Variants in CAMTA1 observed in about 807,000 individuals in gnomAD.
CAMTA1 encodes calmodulin-binding transcription activator 1.
Under a neutral mutation model 170.9 loss-of-function variants are expected in CAMTA1, and 27 were observed. The ratio of observed to expected loss-of-function variants is 0.16; its 90% confidence interval spans 0.12 to 0.22. The LOEUF is 0.22. Ranked by LOEUF, CAMTA1 falls within the 10% of genes least tolerant of loss-of-function variation. The pLI, the probability that CAMTA1 is intolerant of heterozygous loss-of-function variation, is 1.00. For synonymous variants in CAMTA1, 833 were observed against 891.5 expected (o/e 0.93, Z 1.17); for missense variants, 1,619 against 2,217.2 (o/e 0.73, Z 5.42).
intron 3 of CAMTA1, among the ~76,000 whole-genome samples, chr1:6,924,892 C>A (rs1251681293): frequency 6.6e-6 from 1 of 152,202 alleles, no homozygotes; most frequent in East Asian, 1.9e-4. Flanking sequence ...CCACATTTGC[C>A]TCTTGGTCTG....
intron 3 of CAMTA1, among the ~76,000 whole-genome samples, chr1:7,090,198 A>G (rs1375414892): frequency 5.3e-5 from 8 of 151,604 alleles, no homozygotes; most frequent in Non-Finnish European, 1.0e-4. Context: ...GGCATTTTCT[A>G]CTCTCACCTG....
chr1:6,907,361 C>T (rs778997750), intron 3 of CAMTA1, among the ~76,000 whole-genome samples: 13 of 152,092 alleles, frequency 8.5e-5, no homozygotes, highest in South Asian at 4.2e-4. Context: ...GCAGCTCTCC[C>T]GGCGCCCCCT....
At chr1:7,365,889 T>C (rs1480562281) in intron 5 of CAMTA1, among the ~76,000 whole-genome samples, 1 of 152,192 alleles carries the variant, frequency 6.6e-6, no homozygotes, top group Non-Finnish European at 1.5e-5. Context: ...CTCCTGCTCC[T>C]CTCTGGAGGC....
intron 1 of CAMTA1, among the ~76,000 whole-genome samples, chr1:6,816,394 T>C (rs993598600): frequency 6.6e-6 from 1 of 152,182 alleles, no homozygotes; most frequent in Non-Finnish European, 1.5e-5. Flanking sequence ...GTGTCCCAGC[T>C]TGCGAACAGT....
intron 5 of CAMTA1, among the ~76,000 whole-genome samples, chr1:7,404,898 A>T (rs1187602325): frequency 6.6e-6 from 1 of 152,210 alleles, no homozygotes; most frequent in African/African-American, 2.4e-5. Flanking sequence ...AGCAGAAAAT[A>T]AAAGGGTCTT....
At chr1:7,761,034 T>C (rs2096971184) in intron 22 of CAMTA1, among the ~76,000 whole-genome samples, 1 of 152,236 alleles carries the variant, frequency 6.6e-6, no homozygotes, top group Non-Finnish European at 1.5e-5. Context: ...CTGTGGGCTT[T>C]TGCTGGCTTT....
chr1:7,760,122 A>T (rs1349471533), intron 22 of CAMTA1, among the ~76,000 whole-genome samples: 8 of 152,248 alleles, frequency 5.3e-5, no homozygotes. Flanking sequence ...AGGCAGGTGC[A>T]GTTATTTTAC....
chr1:6,991,893 G>A (rs1402810175), intron 3 of CAMTA1, among the ~76,000 whole-genome samples: 7 of 151,934 alleles, frequency 4.6e-5, no homozygotes, highest in East Asian at 1.9e-4. Flanking sequence ...GTAGAGATGT[G>A]GTTTTGCCAT....
chr1:7,631,067 A>G (rs2095665830), intron 6 of CAMTA1, among the ~76,000 whole-genome samples: 3 of 151,462 alleles, frequency 2.0e-5, no homozygotes, highest in Admixed American at 2.0e-4. Flanking sequence ...GCTGTTCCCC[A>G]CTCCCCTGCA....
At chr1:7,110,418 C>G (rs1474854570) in intron 4 of CAMTA1, among the ~76,000 whole-genome samples, 1 of 152,174 alleles carries the variant, frequency 6.6e-6, no homozygotes, top group East Asian at 1.9e-4. Context: ...AACAGCTCTT[C>G]CCTTTTGTTT....
intron 3 of CAMTA1, among the ~76,000 whole-genome samples, chr1:6,851,532 C>T (rs1174533876): frequency 1.3e-5 from 2 of 152,112 alleles, no homozygotes; most frequent in Non-Finnish European, 2.9e-5. Context: ...AAAGCCATCT[C>T]ATCACAGATT....
intron 5 of CAMTA1, among the ~76,000 whole-genome samples, chr1:7,342,064 T>C (rs1448097486): frequency 6.6e-6 from 1 of 152,244 alleles, no homozygotes; most frequent in Non-Finnish European, 1.5e-5. Flanking sequence ...ATTATCACTG[T>C]ATTTTACAAA....
intron 5 of CAMTA1, among the ~76,000 whole-genome samples, chr1:7,380,251 C>G (rs535076236): frequency 1.5e-3 from 234 of 152,300 alleles, no homozygotes; most frequent in African/African-American, 5.4e-3. Context: ...TTGCCCGGCA[C>G]GTCCCTCTCC....
intron 1 of CAMTA1, among the ~76,000 whole-genome samples, chr1:6,794,891 T>TG (rs1009721770): frequency 1.7e-4 from 22 of 130,794 alleles, no homozygotes; most frequent in East Asian, 4.0e-4. Flanking sequence ...TTTTTTTTTG[T>TG]TTTTTTTGTT....
chr1:7,435,979 C>A lies in CAMTA1; in HGVS notation c.439-31851C>A, dbSNP rs1313999017. Among the ~76,000 whole-genome samples, 1 of 152,170 alleles carries A rather than the reference C, an allele frequency of 6.6e-6. No individual in the cohort carries two copies. Among genetic ancestry groups the A allele is most frequent in the Non-Finnish European group, 1.5e-5 (1 of 68,026 alleles). ...GGAGCTGGGAAGCTCCCCATGCCAC[C>A]ACCCTGAGCTTGCAGCAGAGAACCA... On this transcript the variant is annotated intron_variant, in intron 5 of 22. Transcript: ENST00000303635. The surrounding 1 kb of genome is among the most constrained non-coding windows in gnomAD (Gnocchi z 4.4).
intron 3 of CAMTA1, among the ~76,000 whole-genome samples, chr1:6,868,302 C>CT (rs540800023): frequency 0.031 from 3,945 of 129,242 alleles, 99 homozygotes; most frequent in African/African-American, 0.071. Context: ...GAGCGAGACT[C>CT]TTTTTTTTTT....
rs2096925989 is a variant in CAMTA1 at position 7,755,530 on chromosome 1, A to T, written c.4959-108A>T. On this transcript the variant is annotated intron_variant, in intron 21 of 22. Coordinates refer to ENST00000303635, the MANE Select transcript of CAMTA1 (RefSeq NM_015215.4). ...TCACTCTCCTTTTCTTTCTTTCCAA[A>T]AAAGAAACCATGTTATATTCTTTTT... 3.3e-6 allele frequency: 3 copies of T among 906,954 alleles called. No individual in the cohort carries two copies. The African/African-American group carries it at 5.0e-5, about 15-fold the overall frequency. The allele number at this position is 906,954 out of a possible 1,614,324, so 56.2% of individuals were successfully genotyped here.
intron 22 of CAMTA1, among the ~76,000 whole-genome samples, chr1:7,760,507 G>A (rs1175693167): frequency 2.0e-5 from 3 of 152,208 alleles, no homozygotes; most frequent in South Asian, 2.1e-4. Context: ...TAAGTGGCCC[G>A]ATGTGTTCAT....
chr1:7,446,628 C>T (rs930834973), intron 5 of CAMTA1, among the ~76,000 whole-genome samples: 2 of 152,206 alleles, frequency 1.3e-5, no homozygotes, highest in African/African-American at 4.8e-5. Context: ...AGCTGGGAGC[C>T]GAACCCATGT....
Sources: gnomAD v4.1 joint callset for allele counts (sites outside exome capture counted in the v4.1 genomes callset) on GRCh38, gnomAD v4.1.1 for gene constraint, Gnocchi (gnomAD v3.1) non-coding constraint, MANE v1.5 for transcripts, NCBI Gene and HGNC (gene_info 2026-07-23, HGNC 2026-07-21) for gene names.